The following EIF2S1 variants were observed in gnomAD, a reference collection of about 807,000 sequenced individuals.
EIF2S1 encodes the protein eukaryotic translation initiation factor 2 subunit 1.
Under a neutral mutation model 33.5 loss-of-function variants are expected in EIF2S1, and 5 were observed. The ratio of observed to expected loss-of-function variants is 0.15; its 90% CI spans 0.08 to 0.31. The LOEUF (loss-of-function observed/expected upper bound fraction) is 0.31. EIF2S1 is among the 10% of genes least tolerant of loss of function. The probability of loss-of-function intolerance (pLI) is 1.00; values close to 1 mark genes in which losing one functional copy is unlikely to be tolerated. For missense variants in EIF2S1, 191 were observed against 384.6 expected, an observed-to-expected ratio of 0.50 and a Z score of 4.21; for synonymous variants, 99 against 127.5, an observed-to-expected ratio of 0.78 and a Z score of 1.51.
rs775152151 is a variant in EIF2S1 at position 67,382,563 on chromosome 14, G to A, written c.795G>A (p.Lys265=). 1.9e-6 allele frequency: 3 copies of A among 1,613,966 alleles called. No individual in the cohort carries two copies. The Admixed American group carries it at 5.0e-5, about 27-fold the overall frequency. The stretch of plus-strand genomic sequence containing the variant: ...TTATCAAAGAGAAGATTGAGGAAAA[G>A]AGGGGTGTGTTCAATGTTCAAATGG... ...MAVIKEKIEE[K]RGVFNVQMEP... is the part of the protein sequence containing the mutation. Residue 265 remains lysine (K), a synonymous_variant, in exon 7 of 8, where the codon AAG becomes AAA. Transcript: ENST00000256383.
chr14:67,364,707 AT>A (rs929070142), intron 1 of EIF2S1, 59 bp from the exon 2 acceptor site: 3,519 of 1,332,602 alleles, frequency 2.6e-3, no homozygotes, highest in South Asian at 4.4e-3. Flanking sequence ...GTGGAAATTG[AT>A]TTTTTTTTTA....
intron 4 of EIF2S1, 121 bp downstream of exon 4, chr14:67,376,711 G>GC: frequency 1.9e-6 from 2 of 1,044,768 alleles, no homozygotes; most frequent in Non-Finnish European, 2.8e-6. Flanking sequence ...TTTTGTATTG[G>GC]CCAGTAAATG....
At chr14:67,376,118 T>C (rs574817480) in intron 3 of EIF2S1, among the ~76,000 whole-genome samples, 49 of 152,022 alleles carry the variant, frequency 3.2e-4, no homozygotes, top group African/African-American at 1.1e-3. Context: ...TATAGCCGTT[T>C]TCCATTTATA....
At chr14:67,367,827 C>A (rs571061391) in intron 2 of EIF2S1, among the ~76,000 whole-genome samples, 8 of 150,802 alleles carry the variant, frequency 5.3e-5, no homozygotes, top group African/African-American at 1.9e-4. Context: ...TAGAACCAGA[C>A]CTTGTCTCAA....
intron 2 of EIF2S1, 62 bp downstream of exon 2, chr14:67,365,070 A>AT (rs2085765426): frequency 1.4e-6 from 2 of 1,477,500 alleles, no homozygotes; most frequent in East Asian, 2.5e-5. Context: ...TTAAAAATAC[A>AT]TTTTTTGTAA....
chr14:67,383,179 C>A, intron 7 of EIF2S1, 136 bp from the exon 8 acceptor site: 2 of 916,886 alleles, frequency 2.2e-6, no homozygotes, highest in South Asian at 1.9e-5. Flanking sequence ...GCTGATAAGT[C>A]ACTCAAAAGT....
chr14:67,368,780 C>G (rs777014885), intron 2 of EIF2S1, among the ~76,000 whole-genome samples: 1 of 152,022 alleles, frequency 6.6e-6, no homozygotes, highest in East Asian at 1.9e-4. Flanking sequence ...CACAGCTGTT[C>G]GGGAGGCTGA....
At chr14:67,364,581 A>T in intron 1 of EIF2S1, 186 bp from the exon 2 acceptor site, 1 of 549,894 alleles carries the variant, frequency 1.8e-6, no homozygotes, top group Non-Finnish European at 3.1e-6. Context: ...AATAAAAATT[A>T]AAGCTTGGTT....
At chr14:67,361,983 A>G (rs1418637348) in intron 1 of EIF2S1, among the ~76,000 whole-genome samples, 1 of 143,780 alleles carries the variant, frequency 7.0e-6, no homozygotes, top group Non-Finnish European at 1.5e-5. Flanking sequence ...CCCACTCTAT[A>G]CTTAATTACT....
chr14:67,383,531 C>T lies in EIF2S1; in HGVS notation c.*91C>T, dbSNP rs777480129. 3 of 1,535,330 alleles carry T rather than the reference C, an allele frequency of 2.0e-6. No homozygotes were observed. The highest frequency in any genetic ancestry group is 2.7e-5 in the African/African-American group (2 of 72,840). The stretch of plus-strand genomic sequence containing the variant: ...CTTGAAAGTTTTCCAGTATTGAAAA[C>T]TTCAAAGCTGAATATTTTTTATTTC... On this transcript the variant is annotated 3_prime_UTR_variant, in exon 8 of 8. Coordinates refer to ENST00000256383, the MANE Select transcript of EIF2S1 (RefSeq NM_004094.5).
chr14:67,374,707 C>G (rs1026670099), intron 3 of EIF2S1, 160 bp downstream of exon 3: 1 of 444,398 alleles, frequency 2.3e-6, no homozygotes, highest in Non-Finnish European at 3.9e-6. Context: ...GTTAAATTAA[C>G]TGTGGGTGAC....
intron 1 of EIF2S1, among the ~76,000 whole-genome samples, chr14:67,363,417 T>C (rs908061332): frequency 1.3e-5 from 2 of 152,176 alleles, no homozygotes; most frequent in Non-Finnish European, 1.5e-5. Context: ...TTTGCACTTA[T>C]TGGTGTTATG....
chr14:67,365,168 A>T (rs2085766528), intron 2 of EIF2S1, among the ~76,000 whole-genome samples, 160 bp downstream of exon 2: 1 of 152,202 alleles, frequency 6.6e-6, no homozygotes, highest in Admixed American at 6.5e-5. Context: ...CCAATTAGCT[A>T]TCTAAGCAAG....
At position 67,360,438 on chromosome 14, in the gene EIF2S1, A is replaced by C. The variant is rs1384505099; in HGVS notation, c.-20A>C. 7.7e-6 allele frequency: 3 copies of C among 387,912 alleles called. No homozygotes were observed. The highest frequency in any genetic ancestry group is 6.2e-5 in the African/African-American group (3 of 48,352). 24.0% of individuals were successfully genotyped at this position (387,912 alleles called of 1,614,324 possible). A position where few individuals can be genotyped will look rare whatever the true frequency, so the allele number is the denominator to read the frequency against. On this transcript the variant is annotated 5_prime_UTR_variant, in exon 1 of 8. Transcript: ENST00000256383. ...AGTCGGCTCTGGGCTCCAGTGCGGG[A>C]ATCACACACATACCTCAGGTGACTA...
At chr14:67,382,895 ACGTG>A (rs547987921) in intron 7 of EIF2S1, among the ~76,000 whole-genome samples, 181 of 146,904 alleles carry the variant, frequency 1.2e-3, no homozygotes, top group Non-Finnish European at 1.0e-3. Flanking sequence ...AAGTGTGTGT[ACGTG>A]CGTGCGTGCG....
At chr14:67,374,771 T>C (rs1401448709) in intron 3 of EIF2S1, 2 of 355,450 alleles carry the variant, frequency 5.6e-6, no homozygotes, top group African/African-American at 2.1e-5. Flanking sequence ...TACGGGGTTT[T>C]TTTGTTTGTT....
At chr14:67,361,751 A>G (rs1171479089) in intron 1 of EIF2S1, among the ~76,000 whole-genome samples, 1 of 152,240 alleles carries the variant, frequency 6.6e-6, no homozygotes, top group Non-Finnish European at 1.5e-5. Context: ...AGAACACATA[A>G]GAGTATTATA....
chr14:67,369,070 A>G (rs1595645320), intron 2 of EIF2S1, among the ~76,000 whole-genome samples: 1 of 152,356 alleles, frequency 6.6e-6, no homozygotes, highest in East Asian at 1.9e-4. Context: ...AATGTAAATC[A>G]AGTAAATATT....
intron 4 of EIF2S1, among the ~76,000 whole-genome samples, chr14:67,377,766 C>T (rs2085864965): frequency 6.6e-6 from 1 of 152,096 alleles, no homozygotes; most frequent in African/African-American, 2.4e-5. Context: ...CACTTCTCAA[C>T]TTTTCCTTTA....
Sources: gnomAD v4.1 joint callset for allele counts (sites outside exome capture counted in the v4.1 genomes callset) on GRCh38, gnomAD v4.1.1 for gene constraint, MANE v1.5 for transcripts, NCBI Gene and HGNC (gene_info 2026-07-23, HGNC 2026-07-21) for gene names.